Variants in ENOX1 observed in about 807,000 individuals in gnomAD.
ENOX1 encodes candidate growth-related and time keeping constitutive hydroquinone (NADH) oxidase.
A neutral mutation model predicts 82.5 loss-of-function variants in ENOX1; 42 were observed. The observed-to-expected ratio is 0.51, with a 90% CI of 0.40 to 0.66. ENOX1 has a LOEUF of 0.66. ENOX1 is among the 30% of genes least tolerant of loss of function. The pLI, the probability that ENOX1 is intolerant of heterozygous loss-of-function variation, is 0.00. For missense variants in ENOX1, 608 were observed against 811.6 expected, an observed-to-expected ratio of 0.75 and a Z score of 3.05; for synonymous variants, 271 against 282.2, an observed-to-expected ratio of 0.96 and a Z score of 0.40.
intron 3 of ENOX1, among the ~76,000 whole-genome samples, chr13:43,428,055 C>T (rs1020449208): frequency 6.6e-6 from 1 of 152,168 alleles, no homozygotes; most frequent in Non-Finnish European, 1.5e-5. Flanking sequence ...CCATGGCAAT[C>T]AGGACCTGAA....
chr13:43,461,658 G>A (rs549008477), intron 3 of ENOX1, among the ~76,000 whole-genome samples: 10 of 152,296 alleles, frequency 6.6e-5, no homozygotes, highest in Admixed American at 2.6e-4. Flanking sequence ...TGATTTTTAA[G>A]GGGCTTTGAG....
chr13:43,593,853 T>C (rs1052557057), intron 2 of ENOX1, among the ~76,000 whole-genome samples: 3 of 152,144 alleles, frequency 2.0e-5, no homozygotes, highest in African/African-American at 7.2e-5. Flanking sequence ...TACTGAGTAA[T>C]GGAGTTATGA....
At chr13:43,460,626 C>T (rs1383186442) in intron 3 of ENOX1, among the ~76,000 whole-genome samples, 1 of 151,818 alleles carries the variant, frequency 6.6e-6, no homozygotes, top group Non-Finnish European at 1.5e-5. Context: ...AACCCTGTCT[C>T]TACTAAAAAT....
In ENOX1 at chr13:43,302,856, T is replaced by C. The variant is rs536380293; in HGVS notation, c.1262-4326A>G. 5.3e-5 allele frequency among the ~76,000 whole-genome samples: 8 copies of C among 152,324 alleles called. No individual in the cohort carries two copies. In the South Asian group the frequency reaches 1.7e-3, roughly 32 times the overall value. ...GCCTGAGCCAGCCTCAGAAAAATAGTTAGCAATATATGAAAAATGTAAGTT... is the reference window on the plus strand; with the variant it reads ...GCCTGAGCCAGCCTCAGAAAAATAGCTAGCAATATATGAAAAATGTAAGTT... On this transcript the variant is annotated intron_variant, in intron 11 of 16. Transcript: ENST00000690772.
intron 3 of ENOX1, among the ~76,000 whole-genome samples, chr13:43,451,762 TGCAAATA>T (rs1454028807): frequency 6.6e-6 from 1 of 152,224 alleles, no homozygotes; most frequent in Non-Finnish European, 1.5e-5. Flanking sequence ...ACTGTTTCTA[TGCAAATA>T]ATAAACCTTT....
intron 2 of ENOX1, among the ~76,000 whole-genome samples, chr13:43,651,710 C>T (rs1015705523): frequency 1.2e-5 from 1 of 82,450 alleles, no homozygotes; most frequent in African/African-American, 3.7e-5. Context: ...AAAAAAATCA[C>T]ACCTATAATC....
intron 16 of ENOX1, among the ~76,000 whole-genome samples, chr13:43,217,409 C>T (rs905856290): frequency 1.3e-5 from 2 of 152,200 alleles, no homozygotes; most frequent in Admixed American, 6.5e-5. Context: ...CTAGCATGTA[C>T]TGAAATGTGG....
chr13:43,681,686 AACACAC>A (rs3044219), intron 1 of ENOX1, among the ~76,000 whole-genome samples: 11,399 of 135,218 alleles, frequency 0.084, 906 homozygotes, highest in African/African-American at 0.2. Context: ...ATAATGCATA[AACACAC>A]ACACACACAC....
chr13:43,393,976 C>G (rs1191367275), intron 5 of ENOX1, among the ~76,000 whole-genome samples: 1 of 152,122 alleles, frequency 6.6e-6, no homozygotes, highest in Non-Finnish European at 1.5e-5. Context: ...GCACCACCTC[C>G]TCTCTCTCTT....
At chr13:43,302,453 A>G (rs2046634252) in intron 11 of ENOX1, among the ~76,000 whole-genome samples, 1 of 152,200 alleles carries the variant, frequency 6.6e-6, no homozygotes, top group Non-Finnish European at 1.5e-5. Context: ...GTTACTCAGT[A>G]ATTTAGAAAA....
At chr13:43,560,660 T>A (rs898753116) in intron 2 of ENOX1, among the ~76,000 whole-genome samples, 1 of 152,216 alleles carries the variant, frequency 6.6e-6, no homozygotes, top group East Asian at 1.9e-4. Flanking sequence ...TAATTCCTAA[T>A]TTTTCATTTG....
At chr13:43,577,837 A>G (rs113844279) in intron 2 of ENOX1, among the ~76,000 whole-genome samples, 2 of 152,312 alleles carry the variant, frequency 1.3e-5, no homozygotes, top group African/African-American at 4.8e-5. Flanking sequence ...GGCCTTCTCT[A>G]TTAACTGACA....
chr13:43,474,346 T>C (rs541343631), intron 3 of ENOX1, among the ~76,000 whole-genome samples: 4 of 152,266 alleles, frequency 2.6e-5, no homozygotes, highest in African/African-American at 7.2e-5. Context: ...GGCTTCCCTA[T>C]ATTAATTTTG....
intron 5 of ENOX1, among the ~76,000 whole-genome samples, chr13:43,385,154 A>T (rs973151224): frequency 6.6e-5 from 10 of 152,192 alleles, no homozygotes; most frequent in Non-Finnish European, 1.5e-4. Context: ...GGGATATTTC[A>T]TAATTAAAAA....
At chr13:43,261,127 C>T (rs1004954406) in intron 14 of ENOX1, among the ~76,000 whole-genome samples, 4 of 152,160 alleles carry the variant, frequency 2.6e-5, no homozygotes, top group African/African-American at 9.7e-5. Flanking sequence ...AAGGGTGTGT[C>T]TGTTTTGAGA....
intron 1 of ENOX1, among the ~76,000 whole-genome samples, chr13:43,711,809 T>C (rs2087738975): frequency 6.6e-6 from 1 of 151,264 alleles, no homozygotes; most frequent in African/African-American, 2.4e-5. Flanking sequence ...TCATTGTAGA[T>C]TCTGGATATT....
Position 43,382,258 on chromosome 13 carries a change from C to T in ENOX1, c.209-20806G>A, listed in dbSNP as rs546846619. On this transcript the variant is annotated intron_variant, in intron 5 of 16. Coordinates refer to ENST00000690772, the MANE Select transcript of ENOX1 (RefSeq NM_001347969.2). ...GTAGACTAAAAAAGAGAAACACACA[C>T]ACACGATCATCTCAATAGATGCAGA... 4.6e-5 allele frequency among the ~76,000 whole-genome samples: 7 copies of T among 152,224 alleles called. No homozygotes were observed. The South Asian group carries it at 1.2e-3, about 27-fold the overall frequency.
At chr13:43,354,026 C>T (rs1235927154) in intron 8 of ENOX1, among the ~76,000 whole-genome samples, 3 of 152,216 alleles carry the variant, frequency 2.0e-5, no homozygotes, top group African/African-American at 7.2e-5. Context: ...TGAAATTCCT[C>T]CAGGAGGTCA....
intron 3 of ENOX1, among the ~76,000 whole-genome samples, chr13:43,416,243 T>C (rs1446001097): frequency 1.5e-4 from 13 of 86,168 alleles, no homozygotes; most frequent in African/African-American, 3.3e-4. Flanking sequence ...AGATGATGGG[T>C]GGCCGGGCAG....
Sources: allele counts gnomAD v4.1 joint callset (sites outside exome capture counted in the v4.1 genomes callset), GRCh38; gene constraint gnomAD v4.1.1; transcripts MANE v1.5; gene names NCBI Gene and HGNC (gene_info 2026-07-23, HGNC 2026-07-21).